CDH20: variants seen among roughly 807,000 people sequenced by gnomAD.
CDH20 encodes cadherin-20.
CDH20 carries 29 observed loss-of-function variants against 74.2 expected under a neutral mutation model. The observed-to-expected ratio is 0.39, with a 90% CI of 0.29 to 0.53. The LOEUF (loss-of-function observed/expected upper bound fraction) is 0.53. Among genes scored for constraint, CDH20 ranks in the 20% least tolerant of loss-of-function variants. CDH20 has a pLI of 0.69. For synonymous variants in CDH20, 469 were observed against 405.4 expected, an observed-to-expected ratio of 1.16 and a Z score of -1.88; for missense variants, 988 against 1,048.3, an observed-to-expected ratio of 0.94 and a Z score of 0.79.
intron 1 of CDH20, among the ~76,000 whole-genome samples, chr18:61,482,648 AC>A (rs201078988): frequency 0.24 from 1,216 of 5,108 alleles, 17 homozygotes; most frequent in African/African-American, 0.25. Flanking sequence ...TATTAACTTT[AC>A]TTTTTTTTTA....
intron 1 of CDH20, among the ~76,000 whole-genome samples, chr18:61,469,752 A>G (rs1910097292): frequency 6.6e-6 from 1 of 152,240 alleles, no homozygotes; most frequent in Non-Finnish European, 1.5e-5. Flanking sequence ...ATTTATGTAT[A>G]TACATTATCA....
intron 1 of CDH20, among the ~76,000 whole-genome samples, chr18:61,490,106 C>T (rs1910902194): frequency 6.6e-6 from 1 of 152,024 alleles, no homozygotes. Context: ...TTAATTCAAA[C>T]CAATCAATAA....
chr18:61,538,074 T>A (rs545311291), intron 8 of CDH20, among the ~76,000 whole-genome samples: 4 of 152,310 alleles, frequency 2.6e-5, no homozygotes, highest in African/African-American at 9.6e-5. Flanking sequence ...CCCATGAGTG[T>A]CTATGACCCC....
rs2144341976 is a variant in CDH20, at chr18:61,513,555, G to A, written c.1017+5995G>A. Among the ~76,000 whole-genome samples, 2 of 148,646 alleles carry A rather than the reference G, an allele frequency of 1.3e-5. 1 individual carries two copies. Among genetic ancestry groups the A allele is most frequent in the South Asian group, 4.4e-4 (2 of 4,542 alleles). The stretch of plus-strand genomic sequence containing the variant: ...GATCCTGCCATTACGATGTTAGCTG[G>A]TTATTTTGCTCGTTAGTTGATGCAG... On this transcript the variant is annotated intron_variant, in intron 6 of 11. Transcript: ENST00000262717.
At chr18:61,335,083 G>T (rs1909714611) in intron 1 of CDH20, among the ~76,000 whole-genome samples, 1 of 152,138 alleles carries the variant, frequency 6.6e-6, no homozygotes, top group Non-Finnish European at 1.5e-5. Flanking sequence ...GGATGAGTTT[G>T]AACCCACGCT....
chr18:61,482,536 C>A (rs538928497), intron 1 of CDH20, among the ~76,000 whole-genome samples: 3 of 152,198 alleles, frequency 2.0e-5, no homozygotes, highest in Admixed American at 6.5e-5. Context: ...CACCTTCTCT[C>A]CAGAAACACT....
intron 1 of CDH20, among the ~76,000 whole-genome samples, chr18:61,475,190 G>A (rs1408220452): frequency 6.6e-6 from 1 of 152,162 alleles, no homozygotes; most frequent in African/African-American, 2.4e-5. Flanking sequence ...CTATGGCAAT[G>A]GCAGAAGGAA....
intron 2 of CDH20, among the ~76,000 whole-genome samples, chr18:61,498,908 C>T (rs1911263124): frequency 6.6e-6 from 1 of 152,040 alleles, no homozygotes; most frequent in Non-Finnish European, 1.5e-5. Context: ...TTCCAGAGTT[C>T]CTGTTTTCCA....
intron 1 of CDH20, among the ~76,000 whole-genome samples, chr18:61,454,125 A>T (rs1473758788): frequency 2.6e-5 from 4 of 152,116 alleles, no homozygotes; most frequent in Non-Finnish European, 5.9e-5. Context: ...ACGTTTCTTC[A>T]TGTCTTTTAC....
At chr18:61,541,739 A>G (rs1300190496) in intron 9 of CDH20, among the ~76,000 whole-genome samples, 1 of 152,180 alleles carries the variant, frequency 6.6e-6, no homozygotes, top group Admixed American at 6.5e-5. Flanking sequence ...TACTTGTTGG[A>G]TACTGTCCTC....
chr18:61,343,958 G>A (rs972894281), intron 1 of CDH20, among the ~76,000 whole-genome samples: 17 of 152,094 alleles, frequency 1.1e-4, no homozygotes, highest in African/African-American at 3.4e-4. Context: ...AGAGGGGAAC[G>A]TGCAGATGAC....
intron 1 of CDH20, among the ~76,000 whole-genome samples, chr18:61,481,327 G>A (rs1218365980): frequency 6.6e-6 from 1 of 152,146 alleles, no homozygotes; most frequent in Non-Finnish European, 1.5e-5. Flanking sequence ...TATAGTATTA[G>A]GTCGTGATAA....
chr18:61,539,565 T>C (rs1358015996), intron 9 of CDH20, among the ~76,000 whole-genome samples: 2 of 152,158 alleles, frequency 1.3e-5, no homozygotes. Flanking sequence ...GGAAACTGAA[T>C]TGTGTAGCAC....
At chr18:61,501,422 T>C (rs1042519887) in intron 4 of CDH20, among the ~76,000 whole-genome samples, 15 of 152,254 alleles carry the variant, frequency 9.9e-5, no homozygotes, top group African/African-American at 3.4e-4. Flanking sequence ...AGCTTCCCAA[T>C]AATCTTGTAA....
intron 1 of CDH20, among the ~76,000 whole-genome samples, chr18:61,452,578 A>T (rs190919005): frequency 1.3e-5 from 2 of 152,336 alleles, no homozygotes; most frequent in Admixed American, 1.3e-4. Flanking sequence ...GTATTTGTCT[A>T]CCACGAATCG....
At chr18:61,488,134 T>G (rs1910832552) in intron 1 of CDH20, among the ~76,000 whole-genome samples, 1 of 152,026 alleles carries the variant, frequency 6.6e-6, no homozygotes, top group Non-Finnish European at 1.5e-5. Context: ...CTAGCTTTAA[T>G]CAACGCAATC....
chr18:61,412,596 G>T (rs1203948943), intron 1 of CDH20, among the ~76,000 whole-genome samples: 1 of 152,126 alleles, frequency 6.6e-6, no homozygotes, highest in Admixed American at 6.5e-5. Context: ...AGAAGTATGG[G>T]TGGAGCAAAA....
chr18:61,427,970 G>A (rs985081411), intron 1 of CDH20, among the ~76,000 whole-genome samples: 3 of 152,190 alleles, frequency 2.0e-5, no homozygotes, highest in African/African-American at 7.2e-5. Flanking sequence ...CGTTTCTGGT[G>A]TTGTCATGAG....
intron 1 of CDH20, among the ~76,000 whole-genome samples, chr18:61,401,009 C>G (rs568456650): frequency 6.6e-6 from 1 of 152,312 alleles, no homozygotes; most frequent in East Asian, 1.9e-4. Flanking sequence ...AACATTTGAT[C>G]TAATGCGTTG....
Sources: gnomAD v4.1 joint callset for allele counts (sites outside exome capture counted in the v4.1 genomes callset) on GRCh38, gnomAD v4.1.1 for gene constraint, MANE v1.5 for transcripts, NCBI Gene and HGNC (gene_info 2026-07-23, HGNC 2026-07-21) for gene names.